Variants in RPSA2 observed in about 807,000 individuals in gnomAD.
RPSA2 encodes the protein small ribosomal subunit protein uS2B.
At chr19:23,772,840 G>A in the RPSA2 span, among the ~76,000 whole-genome samples, 2 of 152,258 alleles carry the variant, frequency 1.3e-5, no homozygotes, top group East Asian at 1.9e-4. Flanking sequence ...TAGCAGATGA[G>A]GACTACTATC....
chr19:23,823,452 GCA>G, the RPSA2 span, among the ~76,000 whole-genome samples: 2 of 152,118 alleles, frequency 1.3e-5, no homozygotes, highest in Non-Finnish European at 2.9e-5. Flanking sequence ...CTCTCAGAGC[GCA>G]CAGTCTATAC....
the RPSA2 span, among the ~76,000 whole-genome samples, chr19:23,804,179 C>T: frequency 7.9e-5 from 12 of 152,132 alleles, no homozygotes; most frequent in African/African-American, 2.9e-4. Context: ...TTTAAAGAGC[C>T]AGGAAATAAT....
chr19:23,817,717 C>T, the RPSA2 span: 1 of 152,018 alleles, frequency 6.6e-6, no homozygotes. Context: ...CATCTAGTGG[C>T]GCAAAGCTCG....
the RPSA2 span, among the ~76,000 whole-genome samples, chr19:23,860,759 G>T: frequency 0.98 from 148,971 of 152,292 alleles, 72,953 homozygotes; most frequent in Middle Eastern, 1. Context: ...CAGAAGATAA[G>T]TCAGTGAAAA....
chr19:23,761,930 T>TCCTTCCTTCC, the RPSA2 span, among the ~76,000 whole-genome samples: 16 of 127,442 alleles, frequency 1.3e-4, 1 homozygote, highest in African/African-American at 3.7e-4. Context: ...CTTTTTTTTT[T>TCCTTCCTTCC]TTTTTGAGAT....
At chr19:23,769,758 A>G in the RPSA2 span, among the ~76,000 whole-genome samples, 11 of 152,174 alleles carry the variant, frequency 7.2e-5, no homozygotes, top group Non-Finnish European at 1.3e-4. Flanking sequence ...GGATTGTGGC[A>G]TATCACTGGG....
the RPSA2 span, among the ~76,000 whole-genome samples, chr19:23,825,394 T>C: frequency 6.6e-6 from 1 of 152,236 alleles, no homozygotes; most frequent in Non-Finnish European, 1.5e-5. Flanking sequence ...TTTAACATCT[T>C]ATAATTTAAG....
the RPSA2 span, among the ~76,000 whole-genome samples, chr19:23,867,038 C>T: frequency 1.3e-5 from 2 of 152,126 alleles, no homozygotes; most frequent in South Asian, 4.1e-4. Flanking sequence ...AAATTACACC[C>T]TTCTGCATGA....
At chr19:23,816,778 A>G in the RPSA2 span, among the ~76,000 whole-genome samples, 24 of 152,220 alleles carry the variant, frequency 1.6e-4, no homozygotes, top group Non-Finnish European at 8.8e-5. Context: ...CATGTCTCAC[A>G]TGGTGGCAGA....
the RPSA2 span, among the ~76,000 whole-genome samples, chr19:23,802,819 G>A: frequency 1.3e-5 from 2 of 152,110 alleles, no homozygotes; most frequent in African/African-American, 4.8e-5. Flanking sequence ...GCATCATATG[G>A]TGGGTACAAT....
At chr19:23,761,274 C>T in the RPSA2 span, among the ~76,000 whole-genome samples, 1 of 151,994 alleles carries the variant, frequency 6.6e-6, no homozygotes, top group African/African-American at 2.4e-5. Context: ...GAGACTGAGT[C>T]TCACTACATT....
chr19:23,840,523 A>C, the RPSA2 span, among the ~76,000 whole-genome samples: 11 of 152,328 alleles, frequency 7.2e-5, no homozygotes, highest in Admixed American at 7.2e-4. Context: ...CTCTATGAAT[A>C]ACACAATTTT....
chr19:23,824,689 G>A, the RPSA2 span, among the ~76,000 whole-genome samples: 1 of 144,136 alleles, frequency 6.9e-6, no homozygotes, highest in Admixed American at 7.3e-5. Context: ...ATGAGCCATG[G>A]TGCCTGGTCA....
the RPSA2 span, among the ~76,000 whole-genome samples, chr19:23,854,363 C>A: frequency 4.6e-5 from 7 of 152,158 alleles, no homozygotes; most frequent in Non-Finnish European, 7.3e-5. Flanking sequence ...TGCTCCACCC[C>A]CCTACTGTGA....
At chr19:23,765,365 G>A in the RPSA2 span, among the ~76,000 whole-genome samples, 148,982 of 152,296 alleles carry the variant, frequency 0.98, 72,964 homozygotes, top group Middle Eastern at 1. Context: ...CACACTTCAC[G>A]ATAGCAAAGA....
chr19:23,868,265 G>C, the RPSA2 span, among the ~76,000 whole-genome samples: 1 of 152,138 alleles, frequency 6.6e-6, no homozygotes, highest in Admixed American at 6.5e-5. Flanking sequence ...TGCCTTCTCT[G>C]TGCCTTCTAT....
the RPSA2 span, among the ~76,000 whole-genome samples, chr19:23,849,982 T>C: frequency 0.99 from 150,774 of 152,200 alleles, 74,698 homozygotes; most frequent in Middle Eastern, 1. Flanking sequence ...TCTCTTGTAG[T>C]TAATCTCTCC....
chr19:23,832,476 A>T, the RPSA2 span: 4 of 499,006 alleles, frequency 8.0e-6, no homozygotes, highest in Non-Finnish European at 1.5e-5. Flanking sequence ...AACCCAACAA[A>T]TCTATGTGGC....
At chr19:23,821,189 G>T in the RPSA2 span, among the ~76,000 whole-genome samples, 1 of 152,212 alleles carries the variant, frequency 6.6e-6, no homozygotes, top group Admixed American at 6.5e-5. Context: ...ATACTCAGGT[G>T]GTTAGTTGCT....
Sources: allele counts gnomAD v4.1 joint callset (sites outside exome capture counted in the v4.1 genomes callset), GRCh38; gene constraint gnomAD v4.1.1; transcripts MANE v1.5; gene names NCBI Gene and HGNC (gene_info 2026-07-23, HGNC 2026-07-21).